Variants in AOPEP observed in about 807,000 individuals in gnomAD.
AOPEP encodes aminopeptidase O.
Under a neutral mutation model 98.1 loss-of-function variants are expected in AOPEP, and 77 were observed. That is an observed-to-expected ratio of 0.78 (90% CI 0.65 to 0.95). The LOEUF (loss-of-function observed/expected upper bound fraction) is 0.95, where lower values mean the gene tolerates loss of function less well. Among genes scored for constraint, AOPEP ranks in the 40% least tolerant of loss-of-function variants. The probability of loss-of-function intolerance (pLI) is 0.00; values close to 1 mark genes in which losing one functional copy is unlikely to be tolerated. For synonymous variants in AOPEP, 346 were observed against 365.3 expected (o/e 0.95, Z 0.60); for missense variants, 1,024 against 1,024.7 (o/e 1.00, Z 0.01).
At chr9:95,144,006 A>G in the AOPEP span, among the ~76,000 whole-genome samples, 1 of 152,132 alleles carries the variant, frequency 6.6e-6, no homozygotes, top group Admixed American at 6.5e-5. Context: ...ACACCAGCCA[A>G]TTGTCAAACA....
At chr9:95,066,001 A>G (rs566822269) in intron 14 of AOPEP, among the ~76,000 whole-genome samples, 1 of 152,284 alleles carries the variant, frequency 6.6e-6, no homozygotes, top group East Asian at 1.9e-4. Flanking sequence ...CCTTTTCTAG[A>G]GTTTAAAAGG....
intron 1 of AOPEP, among the ~76,000 whole-genome samples, chr9:94,758,261 G>A (rs1332556180): frequency 6.6e-6 from 1 of 152,196 alleles, no homozygotes; most frequent in Non-Finnish European, 1.5e-5. Flanking sequence ...TCCTCTTCAG[G>A]AAGCAGTGTT....
rs536437814 is a variant in AOPEP, at chr9:94,925,215, T to C, written c.1554+1040T>C. On this transcript the variant is annotated intron_variant, in intron 6 of 16. Transcript: ENST00000375315. ...CATATTGGCCAGTCTGGTCTCGAAC[T>C]CCTGACCTCGTGATCCGCCCACCTT... Among the ~76,000 whole-genome samples, 132 of 152,326 alleles carry C rather than the reference T, an allele frequency of 8.7e-4. 1 individual carries two copies. The Middle Eastern group carries it at 0.014, about 16-fold the overall frequency.
At chr9:94,773,361 T>G (rs545918105) in intron 3 of AOPEP, 193 bp downstream of exon 3, 10 of 474,998 alleles carry the variant, frequency 2.1e-5, no homozygotes, top group African/African-American at 1.7e-4. Flanking sequence ...GGCATGGGAT[T>G]TGGGGCTCTT....
chr9:94,846,216 G>A (rs915347519), intron 5 of AOPEP, among the ~76,000 whole-genome samples: 13 of 152,134 alleles, frequency 8.5e-5, no homozygotes, highest in African/African-American at 1.7e-4. Flanking sequence ...GGTATTTGAC[G>A]TCATGAAACT....
rs75678041 is a variant in AOPEP, at chr9:94,811,900, G to A, written c.1364+10898G>A. ...GTACCCTCAAAGGCCACACATGCTTGTGCTGGCAAGTTGGGGTGAGGAGAA... is the reference window on the plus strand; with the variant it reads ...GTACCCTCAAAGGCCACACATGCTTATGCTGGCAAGTTGGGGTGAGGAGAA... On this transcript the variant is annotated intron_variant, in intron 5 of 16. Transcript: ENST00000375315. Among the ~76,000 whole-genome samples, 1,124 of 152,314 alleles carry A rather than the reference G, an allele frequency of 7.4e-3. 15 individuals are homozygous for A. The highest frequency in any genetic ancestry group is 0.026 in the African/African-American group (1,085 of 41,562).
intron 6 of AOPEP, among the ~76,000 whole-genome samples, chr9:94,925,552 C>T (rs2054193475): frequency 6.6e-6 from 1 of 152,228 alleles, no homozygotes; most frequent in African/African-American, 2.4e-5. Flanking sequence ...TGGTGCTTAC[C>T]TTTTTAAACT....
rs75312856 is a variant in AOPEP, at chr9:94,886,095, C to T, written c.1365-37891C>T. ...AAAAAAGGTGTTGGTAAAATTAAAA[C>T]CACAAAGCTTTGTGGACAATGGAGA... On this transcript the variant is annotated intron_variant, in intron 5 of 16. Coordinates refer to ENST00000375315, the MANE Select transcript of AOPEP (RefSeq NM_001193329.3). Among the ~76,000 whole-genome samples, 8 of 152,200 alleles carry T rather than the reference C, an allele frequency of 5.3e-5. No individual in the cohort carries two copies. In the East Asian group the frequency reaches 1.5e-3, roughly 29 times the overall value.
intron 5 of AOPEP, among the ~76,000 whole-genome samples, chr9:94,903,031 A>G (rs1225464278): frequency 1.3e-5 from 2 of 149,108 alleles, no homozygotes; most frequent in African/African-American, 5.0e-5. Flanking sequence ...CCCAGGCTGG[A>G]GTGCAGTGGC....
Position 94,928,544 on chromosome 9 carries a change from G to C in AOPEP, c.1661+13G>C. ...TGCAGGTGTTAAGGTAAAGCTGCAT[G>C]GTGATCCACAGCCCTCTCATTCCCC... On this transcript the variant is annotated intron_variant, in intron 7 of 16. Coordinates refer to ENST00000375315, the MANE Select transcript of AOPEP (RefSeq NM_001193329.3). 1 of 1,525,838 alleles carries C rather than the reference G, an allele frequency of 6.6e-7. No homozygotes were observed. Among genetic ancestry groups the C allele is most frequent in the African/African-American group, 1.4e-5 (1 of 72,650 alleles). The allele number at this position is 1,525,838 out of a possible 1,614,324, so 94.5% of individuals were successfully genotyped here.
chr9:95,090,018 C>T (rs909018257), downstream of AOPEP, among the ~76,000 whole-genome samples: 3 of 152,206 alleles, frequency 2.0e-5, no homozygotes, highest in African/African-American at 7.2e-5. Context: ...TTCTTAGGCT[C>T]TAAAATGACT....
the AOPEP span, among the ~76,000 whole-genome samples, chr9:95,118,350 TA>T: frequency 6.6e-6 from 1 of 152,216 alleles, no homozygotes; most frequent in Non-Finnish European, 1.5e-5. Context: ...AACAAAAGTG[TA>T]AAACTGTGCT....
intron 4 of AOPEP, among the ~76,000 whole-genome samples, chr9:94,797,242 A>T (rs1021432828): frequency 6.6e-6 from 1 of 152,042 alleles, no homozygotes; most frequent in African/African-American, 2.4e-5. Context: ...GACCATCCTG[A>T]CCAACATGGT....
the AOPEP span, chr9:95,110,970 G>C: frequency 7.1e-7 from 1 of 1,409,272 alleles, no homozygotes; most frequent in Non-Finnish European, 9.2e-7. Flanking sequence ...GATTACTTTA[G>C]TAAGAGATGT....
At chr9:94,751,034 A>G (rs1835639528) in intron 1 of AOPEP, among the ~76,000 whole-genome samples, 1 of 152,068 alleles carries the variant, frequency 6.6e-6, no homozygotes, top group African/African-American at 2.4e-5. Flanking sequence ...GGTGTGAGCC[A>G]CCGCACCTGG....
At chr9:95,088,742 C>T (rs1473836773), downstream of AOPEP, among the ~76,000 whole-genome samples, 3 of 152,198 alleles carry the variant, frequency 2.0e-5, no homozygotes, top group Non-Finnish European at 4.4e-5. Context: ...CTTTAGAAAC[C>T]ACTAAAGCAA....
downstream of AOPEP, among the ~76,000 whole-genome samples, chr9:95,090,086 A>G (rs2070845292): frequency 6.6e-6 from 1 of 152,218 alleles, no homozygotes; most frequent in Non-Finnish European, 1.5e-5. Flanking sequence ...GCGTGGGGCT[A>G]AACGGCACTG....
the AOPEP span, among the ~76,000 whole-genome samples, chr9:95,115,003 C>T: frequency 1.3e-5 from 2 of 152,150 alleles, no homozygotes; most frequent in Non-Finnish European, 2.9e-5. Context: ...TGCAGTGGTA[C>T]GATCCTGGTT....
intron 14 of AOPEP, among the ~76,000 whole-genome samples, chr9:95,077,229 G>A (rs1398895223): frequency 2.6e-5 from 4 of 152,232 alleles, no homozygotes; most frequent in Non-Finnish European, 4.4e-5. Context: ...GGACAGCACA[G>A]TGCTGTGGCT....
Sources: allele counts gnomAD v4.1 joint callset (sites outside exome capture counted in the v4.1 genomes callset), GRCh38; gene constraint gnomAD v4.1.1; transcripts MANE v1.5; gene names NCBI Gene and HGNC (gene_info 2026-07-23, HGNC 2026-07-21).